The following ITPR2 variants were observed in gnomAD, a reference collection of about 807,000 sequenced individuals.
ITPR2 encodes the protein inositol 1,4,5-trisphosphate-gated calcium channel ITPR2.
In ITPR2, 207 loss-of-function variants were observed where a neutral mutation model predicts 317.1. The ratio of observed to expected loss-of-function variants is 0.65; its 90% confidence interval spans 0.58 to 0.73. ITPR2 has a LOEUF of 0.73. Among genes scored for constraint, ITPR2 ranks in the 30% least tolerant of loss-of-function variants. ITPR2 has a pLI of 0.00. For missense variants in ITPR2, 2,613 were observed against 3,284.0 expected (o/e 0.80, Z 4.99); for synonymous variants, 1,156 against 1,149.1 (o/e 1.01, Z -0.12).
At chr12:26,374,849 A>T (rs1463367202) in intron 55 of ITPR2, among the ~76,000 whole-genome samples, 2 of 152,248 alleles carry the variant, frequency 1.3e-5, no homozygotes, top group Non-Finnish European at 2.9e-5. Context: ...CAAGTGCTGA[A>T]TCACTTTTGT....
intron 22 of ITPR2, among the ~76,000 whole-genome samples, chr12:26,630,015 T>G (rs1009157107): frequency 2.6e-5 from 4 of 152,064 alleles, no homozygotes; most frequent in Admixed American, 2.6e-4. Flanking sequence ...ATTGAACTGA[T>G]TCTTGGTAGC....
intron 36 of ITPR2, among the ~76,000 whole-genome samples, chr12:26,552,797 T>C (rs920918309): frequency 7.9e-5 from 12 of 152,182 alleles, no homozygotes; most frequent in Non-Finnish European, 1.3e-4. Context: ...TCGGTGGACA[T>C]GATAAATTTC....
chr12:26,757,219 C>A (rs1949539807), intron 2 of ITPR2, among the ~76,000 whole-genome samples: 1 of 143,780 alleles, frequency 7.0e-6, no homozygotes, highest in African/African-American at 2.5e-5. Flanking sequence ...CCTTTACTTT[C>A]TTTTTTTTTT....
intron 2 of ITPR2, among the ~76,000 whole-genome samples, chr12:26,744,572 C>T (rs1949287960): frequency 6.6e-6 from 1 of 152,130 alleles, no homozygotes; most frequent in Non-Finnish European, 1.5e-5. Context: ...AGTAGGTGCT[C>T]AATGAATGTT....
At chr12:26,626,491 C>G (rs1946627574) in intron 23 of ITPR2, among the ~76,000 whole-genome samples, 1 of 152,202 alleles carries the variant, frequency 6.6e-6, no homozygotes. Context: ...TTTCCAGAAG[C>G]CAGGCCTCTG....
rs1037002478 is a variant in ITPR2 at position 26,578,629 on chromosome 12, G to T, written c.4630+84C>A. The T allele has an allele frequency of 3.3e-6, 4 of 1,223,616 alleles. No individual in the cohort carries two copies. In the African/African-American group the frequency reaches 6.0e-5, roughly 18 times the overall value. The allele number at this position is 1,223,616 out of a possible 1,614,324, so 75.8% of individuals were successfully genotyped here. On this transcript the variant is annotated intron_variant, in intron 34 of 56. Transcript: ENST00000381340. ...ACTGGTTTTCTTAAGTTGTAAATTG[G>T]GAAGCTGCTTGTGTTGCCCATTAGC...
At chr12:26,411,814 C>G (rs1411761256) in intron 51 of ITPR2, among the ~76,000 whole-genome samples, 3 of 152,130 alleles carry the variant, frequency 2.0e-5, no homozygotes, top group African/African-American at 7.2e-5. Flanking sequence ...ACAACTGAGG[C>G]AGGGACTGCT....
At chr12:26,593,514 T>C (rs1217809352) in intron 32 of ITPR2, among the ~76,000 whole-genome samples, 1 of 152,198 alleles carries the variant, frequency 6.6e-6, no homozygotes, top group African/African-American at 2.4e-5. Context: ...AAAGGAAAGG[T>C]GATTCCTGTC....
At chr12:26,522,912 A>T (rs935329561) in intron 37 of ITPR2, among the ~76,000 whole-genome samples, 2 of 152,264 alleles carry the variant, frequency 1.3e-5, no homozygotes, top group Non-Finnish European at 2.9e-5. Context: ...TCGCAAAAGA[A>T]CTGTACACCT....
At chr12:26,691,296 T>A (rs576901158) in intron 10 of ITPR2, among the ~76,000 whole-genome samples, 1 of 152,360 alleles carries the variant, frequency 6.6e-6, no homozygotes, top group Non-Finnish European at 1.5e-5. Flanking sequence ...TTGTGGCTTT[T>A]GTTTATAAAC....
chr12:26,545,362 T>G (rs1375923866), intron 37 of ITPR2, among the ~76,000 whole-genome samples: 2 of 151,594 alleles, frequency 1.3e-5, no homozygotes, highest in East Asian at 3.9e-4. Context: ...TAGGACGAGA[T>G]GTGACAATTG....
At chr12:26,659,865 C>G (rs908792210) in intron 15 of ITPR2, among the ~76,000 whole-genome samples, 1 of 152,182 alleles carries the variant, frequency 6.6e-6, no homozygotes, top group African/African-American at 2.4e-5. Context: ...TGTGAATAGG[C>G]TGGAATGATC....
intron 48 of ITPR2, among the ~76,000 whole-genome samples, chr12:26,428,683 A>G (rs1941129890): frequency 6.6e-6 from 1 of 152,234 alleles, no homozygotes; most frequent in African/African-American, 2.4e-5. Flanking sequence ...TACTCATCAG[A>G]AAATTCACAT....
chr12:26,604,200 A>C (rs1311122456), intron 26 of ITPR2, among the ~76,000 whole-genome samples: 1 of 152,208 alleles, frequency 6.6e-6, no homozygotes, highest in Non-Finnish European at 1.5e-5. Context: ...CAGCAGAGCA[A>C]CTTAATCCAC....
intron 37 of ITPR2, among the ~76,000 whole-genome samples, chr12:26,516,120 T>C (rs1943483507): frequency 1.6e-5 from 2 of 128,588 alleles, no homozygotes; most frequent in South Asian, 5.2e-4. Flanking sequence ...TGAGACCCTG[T>C]CTCAAAAGAA....
intron 43 of ITPR2, among the ~76,000 whole-genome samples, chr12:26,480,579 C>T (rs1034169118): frequency 3.9e-5 from 6 of 152,160 alleles, no homozygotes; most frequent in Middle Eastern, 3.2e-3. Context: ...CGATGGCTCA[C>T]ACTTGTAATC....
intron 13 of ITPR2, among the ~76,000 whole-genome samples, chr12:26,678,430 A>AG (rs1565686512): frequency 1.9e-4 from 25 of 134,290 alleles, no homozygotes; most frequent in East Asian, 9.6e-4. Context: ...GAGAGAGAGA[A>AG]AAAAAAAATT....
chr12:26,791,119 A>G (rs1950332481), intron 1 of ITPR2, among the ~76,000 whole-genome samples: 1 of 152,214 alleles, frequency 6.6e-6, no homozygotes, highest in Non-Finnish European at 1.5e-5. Flanking sequence ...CTATTAAAAT[A>G]TTTATGAGAA....
chr12:26,568,107 G>T (rs1591911382), intron 34 of ITPR2, among the ~76,000 whole-genome samples: 1 of 148,544 alleles, frequency 6.7e-6, no homozygotes, highest in Middle Eastern at 3.5e-3. Flanking sequence ...TCTCAATAAG[G>T]AAGAGCTAAT....
Sources: gnomAD v4.1 joint callset for allele counts (sites outside exome capture counted in the v4.1 genomes callset) on GRCh38, gnomAD v4.1.1 for gene constraint, MANE v1.5 for transcripts, NCBI Gene and HGNC (gene_info 2026-07-23, HGNC 2026-07-21) for gene names.